The following AGAP1 variants were observed in gnomAD, a reference collection of about 807,000 sequenced individuals.
AGAP1 encodes arf-GAP with GTPase, ANK repeat and PH domain-containing protein 1.
AGAP1 carries 29 observed loss-of-function variants against 105.3 expected under a neutral mutation model. The observed-to-expected ratio is 0.28, with a 90% confidence interval of 0.21 to 0.38. AGAP1 has a LOEUF of 0.38. AGAP1 is among the 10% of genes least tolerant of loss of function. AGAP1 has a pLI of 1.00. For missense variants in AGAP1, 998 were observed against 1,165.1 expected (o/e 0.86, Z 2.09); for synonymous variants, 509 against 485.9 (o/e 1.05, Z -0.63).
At chr2:235,498,274 A>T (rs1051061659) in intron 1 of AGAP1, among the ~76,000 whole-genome samples, 2 of 151,744 alleles carry the variant, frequency 1.3e-5, no homozygotes, top group Non-Finnish European at 2.9e-5. Context: ...TTTTTCCCCC[A>T]ATTTTTGTTT....
chr2:235,826,450 C>G (rs954558585), intron 9 of AGAP1, among the ~76,000 whole-genome samples: 1 of 152,098 alleles, frequency 6.6e-6, no homozygotes, highest in African/African-American at 2.4e-5. Flanking sequence ...TCCCCCACCC[C>G]CACTCCTTTT....
In AGAP1 at chr2:235,961,130, C is replaced by T. The variant is rs2054166864; in HGVS notation, c.1484-7332C>T. ...CCTGCCTTCCTGAAGCTCGAGCGCT[C>T]ATAGGGAAGATGTTCCGTAAACAAA... On this transcript the variant is annotated intron_variant, in intron 12 of 17. Coordinates refer to ENST00000304032, the MANE Select transcript of AGAP1 (RefSeq NM_001037131.3). This position sits in a 1 kb window ranked among gnomAD's most constrained non-coding sequence, Gnocchi z 5.9. Among the ~76,000 whole-genome samples, 1 of 152,180 alleles carries T rather than the reference C, an allele frequency of 6.6e-6. No individual in the cohort carries two copies. Among genetic ancestry groups the T allele is most frequent in the African/African-American group, 2.4e-5 (1 of 41,446 alleles).
intron 13 of AGAP1, among the ~76,000 whole-genome samples, chr2:236,004,137 T>C (rs1049429415): frequency 5.9e-5 from 9 of 152,204 alleles, no homozygotes; most frequent in Admixed American, 4.6e-4. Context: ...GTTACTGTTT[T>C]TCCTGTCTCA....
At chr2:235,643,609 T>C (rs529582276) in intron 1 of AGAP1, among the ~76,000 whole-genome samples, 48 of 151,736 alleles carry the variant, frequency 3.2e-4, no homozygotes, top group African/African-American at 1.1e-3. Flanking sequence ...TCTAACTGTT[T>C]AGTGTTGCCA....
chr2:235,717,326 T>C (rs1951166798), intron 2 of AGAP1, among the ~76,000 whole-genome samples: 2 of 152,222 alleles, frequency 1.3e-5, no homozygotes, highest in Admixed American at 1.3e-4. Flanking sequence ...ATACCAGCAT[T>C]GCTGATGCCG....
Position 236,066,210 on chromosome 2 carries a change from G to C in AGAP1, c.2114+16929G>C, listed in dbSNP as rs1267251282. Among the ~76,000 whole-genome samples, 5 of 152,114 alleles carry C rather than the reference G, an allele frequency of 3.3e-5. No homozygotes were observed. In the South Asian group the frequency reaches 6.2e-4, roughly 19 times the overall value. ...TGAATGCACAAATTACTAGAATTTT[G>C]GTTTTTGTTTTTTATTGTTTTTGTT... On this transcript the variant is annotated intron_variant, in intron 16 of 17. Coordinates refer to ENST00000304032, the MANE Select transcript of AGAP1 (RefSeq NM_001037131.3).
At position 235,934,019 on chromosome 2, in the gene AGAP1, G is replaced by C. The variant is rs775013310; in HGVS notation, c.1483+3096G>C. On this transcript the variant is annotated intron_variant, in intron 12 of 17. Coordinates refer to ENST00000304032, the MANE Select transcript of AGAP1 (RefSeq NM_001037131.3). This position sits in a 1 kb window ranked among gnomAD's most constrained non-coding sequence, Gnocchi z 4.9. Reference sequence around the variant, plus strand: ...GGTACAGAAGGATTAAATGTCACTTGCTCAAAGTCACATCCTGTGAGGGGC... The same window carrying C: ...GGTACAGAAGGATTAAATGTCACTTCCTCAAAGTCACATCCTGTGAGGGGC... 1.3e-5 allele frequency among the ~76,000 whole-genome samples: 2 copies of C among 152,170 alleles called. No homozygotes were observed. Among genetic ancestry groups the C allele is most frequent in the Non-Finnish European group, 2.9e-5 (2 of 68,022 alleles).
chr2:235,687,659 C>T (rs150284290), intron 1 of AGAP1, among the ~76,000 whole-genome samples: 10 of 152,182 alleles, frequency 6.6e-5, no homozygotes, highest in African/African-American at 2.4e-4. Context: ...TCATTTTGTC[C>T]GTTTCCAAAA....
In AGAP1 at chr2:236,056,854, G is replaced by A. The variant is rs2125738865; in HGVS notation, c.2114+7573G>A. Among the ~76,000 whole-genome samples the A allele has an allele frequency of 6.6e-6, 1 of 152,282 alleles. No homozygotes were observed. Among genetic ancestry groups the A allele is most frequent in the Middle Eastern group, 3.4e-3 (1 of 294 alleles). ...AAGATCTGACTCCAGATGCCGCTCT[G>A]CAGTCCTGCTGCTGCTCCTGTTCCT... On this transcript the variant is annotated intron_variant, in intron 16 of 17. Transcript: ENST00000304032. This position sits in a 1 kb window ranked among gnomAD's most constrained non-coding sequence, Gnocchi z 4.6.
At chr2:235,686,622 T>TAGATATAG (rs1559350441) in intron 1 of AGAP1, among the ~76,000 whole-genome samples, 10 of 27,584 alleles carry the variant, frequency 3.6e-4, no homozygotes, top group African/African-American at 1.4e-3. Context: ...GAGATATAGA[T>TAGATATAG]ATATATATAT....
At chr2:235,743,216 T>C (rs911975167) in intron 4 of AGAP1, among the ~76,000 whole-genome samples, 8 of 152,248 alleles carry the variant, frequency 5.3e-5, no homozygotes, top group African/African-American at 1.9e-4. Flanking sequence ...GTGAACATGT[T>C]AGATTGGGGG....
chr2:235,494,997 T>C lies in AGAP1; in HGVS notation c.163+148T>C, dbSNP rs1256074381. The stretch of plus-strand genomic sequence containing the variant: ...GGGAGCACTGCGGCGCTGCTTGTCT[T>C]GCAAGGCCGGGCGAGCGTCGCCTGC... On this transcript the variant is annotated intron_variant, in intron 1 of 17. Transcript: ENST00000304032. The C allele has an allele frequency of 4.2e-6, 3 of 708,722 alleles. No homozygotes were observed. In the East Asian group the frequency reaches 1.1e-4, roughly 26 times the overall value. 43.9% of individuals were successfully genotyped at this position (708,722 alleles called of 1,614,324 possible).
At chr2:235,966,838 C>T (rs1553692067) in intron 12 of AGAP1, among the ~76,000 whole-genome samples, 4 of 152,166 alleles carry the variant, frequency 2.6e-5, no homozygotes, top group Non-Finnish European at 2.9e-5. Flanking sequence ...CGAGGGGTCT[C>T]TGCCTTAGGG....
chr2:235,670,514 C>T, intron 1 of AGAP1: 1 of 494,540 alleles, frequency 2.0e-6, no homozygotes. Context: ...GTCCGGCAGC[C>T]CCGACGTGGA....
chr2:235,785,125 C>G (rs976199504), intron 6 of AGAP1, among the ~76,000 whole-genome samples: 6 of 152,188 alleles, frequency 3.9e-5, no homozygotes, highest in East Asian at 1.9e-4. Context: ...TTCTCTCCCC[C>G]ACTTTAAGAA....
At chr2:235,679,627 C>T (rs1948953561) in intron 1 of AGAP1, among the ~76,000 whole-genome samples, 1 of 152,142 alleles carries the variant, frequency 6.6e-6, no homozygotes. Flanking sequence ...CGTCTCATTC[C>T]TGGTACAAGC....
intron 16 of AGAP1, among the ~76,000 whole-genome samples, chr2:236,111,214 GT>G (rs1449616182): frequency 6.6e-6 from 1 of 152,282 alleles, no homozygotes; most frequent in African/African-American, 2.4e-5. Context: ...TCACTGCAGT[GT>G]TTCCAGTCAC....
At chr2:235,853,112 CT>C in intron 9 of AGAP1, 2 of 1,216,294 alleles carry the variant, frequency 1.6e-6, no homozygotes, top group Non-Finnish European at 2.0e-6. Context: ...TTTGAGGAAC[CT>C]TTTTTTAAAG....
rs1276628685 is a variant in AGAP1 at position 235,927,636 on chromosome 2, C to T, written c.1325-3129C>T. ...TGGGGTTGAGATTGACTTGGCTCTC[C>T]TTACTGTGTGTTGATACTTACTTCT... is the stretch of plus-strand genomic sequence containing the variant. On this transcript the variant is annotated intron_variant, in intron 11 of 17. Transcript: ENST00000304032. This position sits in a 1 kb window ranked among gnomAD's most constrained non-coding sequence, Gnocchi z 4.4. Among the ~76,000 whole-genome samples, 1 of 152,156 alleles carries T rather than the reference C, an allele frequency of 6.6e-6. No individual in the cohort carries two copies. Among genetic ancestry groups the T allele is most frequent in the African/African-American group, 2.4e-5 (1 of 41,424 alleles).
Sources: gnomAD v4.1 joint callset for allele counts (sites outside exome capture counted in the v4.1 genomes callset) on GRCh38, gnomAD v4.1.1 for gene constraint, Gnocchi (gnomAD v3.1) non-coding constraint, MANE v1.5 for transcripts, NCBI Gene and HGNC (gene_info 2026-07-23, HGNC 2026-07-21) for gene names.